HSPA12A: variants seen among roughly 807,000 people sequenced by gnomAD.
HSPA12A encodes the protein heat shock 70 kDa protein 12A.
In HSPA12A, 28 loss-of-function variants were observed where a neutral mutation model predicts 69.2. The observed-to-expected ratio is 0.40, with a 90% CI of 0.30 to 0.55. The LOEUF (loss-of-function observed/expected upper bound fraction) is 0.55, where lower values mean the gene tolerates loss of function less well. Ranked by LOEUF, HSPA12A falls within the 20% of genes least tolerant of loss-of-function variation. The pLI, the probability that HSPA12A is intolerant of heterozygous loss-of-function variation, is 0.38. For synonymous variants in HSPA12A, 345 were observed against 370.5 expected, an observed-to-expected ratio of 0.93 and a Z score of 0.79; for missense variants, 686 against 900.7, an observed-to-expected ratio of 0.76 and a Z score of 3.05.
At chr10:116,809,892 G>A (rs1845141452) in intron 2 of HSPA12A, among the ~76,000 whole-genome samples, 1 of 152,224 alleles carries the variant, frequency 6.6e-6, no homozygotes, top group East Asian at 1.9e-4. Flanking sequence ...GAGAGAAAGA[G>A]GGCAGCTACC....
chr10:116,741,133 G>T (rs889832772), intron 1 of HSPA12A, among the ~76,000 whole-genome samples: 1 of 152,130 alleles, frequency 6.6e-6, no homozygotes, highest in Admixed American at 6.5e-5. Flanking sequence ...CCTGGAGTGA[G>T]CCCTGTCAGG....
Position 116,842,902 on chromosome 10 carries a change from T to G in HSPA12A, c.3+6664A>C, listed in dbSNP as rs370133279. 3.3e-5 allele frequency among the ~76,000 whole-genome samples: 5 copies of G among 152,206 alleles called. No individual in the cohort carries two copies. In the East Asian group the frequency reaches 9.6e-4, roughly 29 times the overall value. On this transcript the variant is annotated intron_variant, in intron 1 of 12. Transcript: ENST00000635765. ...GCCACCACACCCAGCCAGCCAAAGT[T>G]TCTTTTGCTCGATCTTTTCCTTTTC...
At chr10:116,789,225 G>A (rs189045357) in intron 2 of HSPA12A, among the ~76,000 whole-genome samples, 8 of 151,872 alleles carry the variant, frequency 5.3e-5, no homozygotes, top group South Asian at 2.1e-4. Context: ...ATATCACATC[G>A]CAAAATAAAA....
At chr10:116,750,292 T>G (rs529391201) in intron 2 of HSPA12A, 33 of 801,748 alleles carry the variant, frequency 4.1e-5, no homozygotes, top group Non-Finnish European at 6.3e-5. Context: ...ATGAATACAA[T>G]GTAGAAAGCA....
intron 2 of HSPA12A, among the ~76,000 whole-genome samples, chr10:116,763,926 T>C (rs1414393452): frequency 1.3e-5 from 2 of 152,148 alleles, no homozygotes; most frequent in East Asian, 3.9e-4. Flanking sequence ...ATGTAGACAC[T>C]GATAGGACCA....
rs138810814 is a variant in HSPA12A at position 116,814,639 on chromosome 10, T to C, written c.91+20296A>G. ...GACCCCTCATCCAGCTGTGTCCTAG[T>C]GGAAAGGCCAGACCAGGACTTGGGC... On this transcript the variant is annotated intron_variant, in intron 2 of 12. Transcript: ENST00000635765. 9.9e-5 allele frequency among the ~76,000 whole-genome samples: 15 copies of C among 152,226 alleles called. No individual in the cohort carries two copies. In the East Asian group the frequency reaches 2.9e-3, roughly 29 times the overall value.
intron 2 of HSPA12A, chr10:116,750,238 T>C (rs1851744840): frequency 2.5e-6 from 2 of 787,632 alleles, no homozygotes; most frequent in Admixed American, 1.7e-5. Context: ...TCAATAGGTC[T>C]GGCATGGGCA....
chr10:116,732,504 A>C (rs1851194026), intron 1 of HSPA12A, among the ~76,000 whole-genome samples: 1 of 152,080 alleles, frequency 6.6e-6, no homozygotes, highest in East Asian at 1.9e-4. Context: ...ACCTGCAACC[A>C]AAATCCCTAA....
At chr10:116,752,585 G>C (rs1361350272) in intron 2 of HSPA12A, among the ~76,000 whole-genome samples, 2 of 152,158 alleles carry the variant, frequency 1.3e-5, no homozygotes, top group African/African-American at 4.8e-5. Context: ...ACTTCAACCA[G>C]TACCCTCATG....
At chr10:116,839,858 C>T (rs1303651837) in intron 1 of HSPA12A, among the ~76,000 whole-genome samples, 1 of 151,560 alleles carries the variant, frequency 6.6e-6, no homozygotes, top group Non-Finnish European at 1.5e-5. Flanking sequence ...GACGTGTGTG[C>T]AATGTTTGAT....
intron 9 of HSPA12A, 74 bp from the exon 10 acceptor site, chr10:116,679,835 G>A: frequency 1.3e-6 from 2 of 1,521,394 alleles, no homozygotes; most frequent in Non-Finnish European, 1.8e-6. Flanking sequence ...TGAGAAACAG[G>A]CCCACCTGTT....
chr10:116,811,445 C>G (rs763870796), intron 2 of HSPA12A, among the ~76,000 whole-genome samples: 2 of 152,240 alleles, frequency 1.3e-5, no homozygotes, highest in Middle Eastern at 3.4e-3. Flanking sequence ...CCTTGTCAAG[C>G]CTCTTAGATC....
chr10:116,816,289 C>T (rs1845302736), intron 2 of HSPA12A, among the ~76,000 whole-genome samples: 1 of 152,248 alleles, frequency 6.6e-6, no homozygotes, highest in Non-Finnish European at 1.5e-5. Flanking sequence ...CTATATAAAA[C>T]ATTCCCGAAA....
At chr10:116,721,831 A>ACAC (rs1850790559) in intron 1 of HSPA12A, among the ~76,000 whole-genome samples, 2 of 152,102 alleles carry the variant, frequency 1.3e-5, no homozygotes, top group Admixed American at 6.5e-5. Flanking sequence ...CATAATATTC[A>ACAC]CACTCATCAT....
chr10:116,698,225 TCA>T (rs1179562411), intron 5 of HSPA12A: 2 of 159,526 alleles, frequency 1.3e-5, no homozygotes, highest in East Asian at 3.6e-4. Context: ...TTTCTACTTT[TCA>T]CAGTTATGAA....
chr10:116,709,446 C>CAAA (rs543929917), intron 1 of HSPA12A, among the ~76,000 whole-genome samples: 19 of 69,356 alleles, frequency 2.7e-4, no homozygotes, highest in African/African-American at 7.9e-4. Context: ...GACTCCATCT[C>CAAA]AAAAAAAAAA....
At chr10:116,835,168 G>A in intron 1 of HSPA12A, 1 of 374,758 alleles carries the variant, frequency 2.7e-6, no homozygotes, top group Non-Finnish European at 4.5e-6. Context: ...GCGCAGAGGA[G>A]CTGGGTCCCT....
At chr10:116,738,042 C>G (rs1327771172) in intron 1 of HSPA12A, among the ~76,000 whole-genome samples, 2 of 152,212 alleles carry the variant, frequency 1.3e-5, no homozygotes, top group Admixed American at 1.3e-4. Flanking sequence ...CCTGATTCCT[C>G]CCCGCTGTTC....
At chr10:116,676,731 C>T (rs902525895) in intron 10 of HSPA12A, among the ~76,000 whole-genome samples, 3 of 152,154 alleles carry the variant, frequency 2.0e-5, no homozygotes, top group Non-Finnish European at 4.4e-5. Flanking sequence ...TGGCTGTGAC[C>T]GACCTTCCCC....
Sources: gnomAD v4.1 joint callset for allele counts (sites outside exome capture counted in the v4.1 genomes callset) on GRCh38, gnomAD v4.1.1 for gene constraint, MANE v1.5 for transcripts, NCBI Gene and HGNC (gene_info 2026-07-23, HGNC 2026-07-21) for gene names.